Variants in ATOSA observed in about 807,000 individuals in gnomAD.
ATOSA encodes atos homolog protein A.
the ATOSA span, among the ~76,000 whole-genome samples, chr15:52,601,491 T>A: frequency 6.6e-6 from 1 of 151,150 alleles, no homozygotes; most frequent in Admixed American, 6.6e-5. Flanking sequence ...TACTTCTCTA[T>A]TTTTTTGGGA....
At chr15:52,583,433 T>C in the ATOSA span, among the ~76,000 whole-genome samples, 3 of 146,692 alleles carry the variant, frequency 2.0e-5, no homozygotes, top group Non-Finnish European at 3.0e-5. Flanking sequence ...GTGAGAGTCT[T>C]GCTCCTTTGC....
the ATOSA span, among the ~76,000 whole-genome samples, chr15:52,613,088 C>A: frequency 2.0e-5 from 3 of 152,006 alleles, no homozygotes; most frequent in African/African-American, 4.8e-5. Flanking sequence ...ATAAAGCAGA[C>A]GGGGCGTCCT....
At chr15:52,707,746 C>A in the ATOSA span, among the ~76,000 whole-genome samples, 2 of 151,932 alleles carry the variant, frequency 1.3e-5, no homozygotes, top group South Asian at 2.1e-4. Flanking sequence ...GCCACATACT[C>A]CCGAATGATT....
the ATOSA span, among the ~76,000 whole-genome samples, chr15:52,665,877 C>G: frequency 1.3e-5 from 2 of 151,872 alleles, no homozygotes; most frequent in Admixed American, 1.3e-4. Context: ...AGCTATACGA[C>G]CATTAAATAT....
chr15:52,581,442 T>C, the ATOSA span: 1 of 152,322 alleles, frequency 6.6e-6, no homozygotes, highest in East Asian at 1.9e-4. Context: ...GACTCTATAG[T>C]AGTGATTAAG....
chr15:52,637,188 G>A, the ATOSA span, among the ~76,000 whole-genome samples: 1 of 152,040 alleles, frequency 6.6e-6, no homozygotes, highest in Non-Finnish European at 1.5e-5. Context: ...GGCTTTAATT[G>A]TTATGATGAT....
At chr15:52,673,316 C>G in the ATOSA span, among the ~76,000 whole-genome samples, 1 of 152,202 alleles carries the variant, frequency 6.6e-6, no homozygotes, top group Non-Finnish European at 1.5e-5. Context: ...TATTTTTAAA[C>G]CACTTTGGTC....
the ATOSA span, among the ~76,000 whole-genome samples, chr15:52,704,667 AC>A: frequency 6.6e-6 from 1 of 152,198 alleles, no homozygotes; most frequent in Non-Finnish European, 1.5e-5. Context: ...CAAGAAAAAA[AC>A]AAAAAACCCC....
chr15:52,665,473 TTAAAGC>T, the ATOSA span, among the ~76,000 whole-genome samples: 1 of 152,194 alleles, frequency 6.6e-6, no homozygotes. Flanking sequence ...TGCTCATACA[TTAAAGC>T]TAACAAGAGT....
At chr15:52,668,125 G>A in the ATOSA span, among the ~76,000 whole-genome samples, 11 of 152,264 alleles carry the variant, frequency 7.2e-5, 1 homozygote, top group East Asian at 2.1e-3. Context: ...ATTTATTGCA[G>A]TATTATTCAC....
the ATOSA span, among the ~76,000 whole-genome samples, chr15:52,623,326 G>A: frequency 6.6e-6 from 1 of 152,060 alleles, no homozygotes; most frequent in East Asian, 1.9e-4. Context: ...GATCACCCTG[G>A]CTGCTATGTG....
chr15:52,704,017 C>A, the ATOSA span, among the ~76,000 whole-genome samples: 1 of 152,006 alleles, frequency 6.6e-6, no homozygotes, highest in East Asian at 1.9e-4. Context: ...TATATACTAC[C>A]TTTTTATAGG....
At chr15:52,639,524 C>T in the ATOSA span, among the ~76,000 whole-genome samples, 1 of 152,108 alleles carries the variant, frequency 6.6e-6, no homozygotes, top group Non-Finnish European at 1.5e-5. Flanking sequence ...ATAAATACAA[C>T]AGTCTGGGAA....
chr15:52,648,083 C>T, the ATOSA span, among the ~76,000 whole-genome samples: 3 of 152,150 alleles, frequency 2.0e-5, no homozygotes, highest in Non-Finnish European at 2.9e-5. Context: ...TCAACATATT[C>T]ACGTTTTTAA....
At chr15:52,591,423 G>A in the ATOSA span, among the ~76,000 whole-genome samples, 2 of 152,064 alleles carry the variant, frequency 1.3e-5, no homozygotes, top group Non-Finnish European at 2.9e-5. Context: ...GTAGAGACAG[G>A]GTTTCATCAT....
the ATOSA span, among the ~76,000 whole-genome samples, chr15:52,661,764 G>A: frequency 6.6e-6 from 1 of 152,042 alleles, no homozygotes; most frequent in Non-Finnish European, 1.5e-5. Flanking sequence ...ACAGAAGTGT[G>A]CCTGCAGAAC....
the ATOSA span, chr15:52,609,947 T>C: frequency 1.2e-6 from 2 of 1,612,344 alleles, no homozygotes; most frequent in Middle Eastern, 1.6e-4. Context: ...ATATCACCTA[T>C]ACCACTAAAG....
At chr15:52,592,554 C>T in the ATOSA span, among the ~76,000 whole-genome samples, 1 of 152,194 alleles carries the variant, frequency 6.6e-6, no homozygotes, top group East Asian at 1.9e-4. Flanking sequence ...AGGCTCAACA[C>T]TATAACTCAG....
At chr15:52,681,403 A>G in the ATOSA span, among the ~76,000 whole-genome samples, 95 of 152,328 alleles carry the variant, frequency 6.2e-4, no homozygotes, top group African/African-American at 1.7e-3. Context: ...TTACAGTTAC[A>G]TGGCCCTAAT....
Sources: allele counts gnomAD v4.1 joint callset (sites outside exome capture counted in the v4.1 genomes callset), GRCh38; gene constraint gnomAD v4.1.1; transcripts MANE v1.5; gene names NCBI Gene and HGNC (gene_info 2026-07-23, HGNC 2026-07-21).